Variants in NXPH1 observed in about 807,000 individuals in gnomAD.
The protein encoded by NXPH1 is neurexophilin-1.
Under a neutral mutation model 23.7 loss-of-function variants are expected in NXPH1, and 5 were observed. The ratio of observed to expected loss-of-function variants is 0.21; its 90% CI spans 0.11 to 0.44. The LOEUF (loss-of-function observed/expected upper bound fraction) is 0.44, where lower values mean the gene tolerates loss of function less well. Ranked by LOEUF, NXPH1 falls within the 20% of genes least tolerant of loss-of-function variation. NXPH1 has a pLI of 0.99. For missense variants in NXPH1, 324 were observed against 321.6 expected, an observed-to-expected ratio of 1.01 and a Z score of -0.06; for synonymous variants, 144 against 122.2, an observed-to-expected ratio of 1.18 and a Z score of -1.18.
At chr7:8,655,386 C>T (rs1366891066) in intron 2 of NXPH1, among the ~76,000 whole-genome samples, 1 of 54,144 alleles carries the variant, frequency 1.8e-5, no homozygotes, top group Non-Finnish European at 3.7e-5. Context: ...CTGTCTCTGT[C>T]TTTGTCTTTG....
intron 2 of NXPH1, among the ~76,000 whole-genome samples, chr7:8,446,758 C>T (rs1266265346): frequency 6.6e-6 from 1 of 151,882 alleles, no homozygotes; most frequent in Non-Finnish European, 1.5e-5. Flanking sequence ...TTCCTTTTTT[C>T]CTCACTGTAT....
intron 2 of NXPH1, among the ~76,000 whole-genome samples, chr7:8,563,987 A>G (rs1191165325): frequency 6.6e-6 from 1 of 151,840 alleles, no homozygotes; most frequent in East Asian, 1.9e-4. Context: ...TGGAATTTGA[A>G]TAGGGTAGAA....
At chr7:8,438,131 G>A (rs1816227998) in intron 2 of NXPH1, among the ~76,000 whole-genome samples, 2 of 152,202 alleles carry the variant, frequency 1.3e-5, no homozygotes, top group African/African-American at 4.8e-5. Flanking sequence ...AATTTAAAAG[G>A]GTGAATTGGG....
intron 2 of NXPH1, among the ~76,000 whole-genome samples, chr7:8,519,530 G>T (rs1164341761): frequency 6.6e-6 from 1 of 152,168 alleles, no homozygotes; most frequent in Non-Finnish European, 1.5e-5. Flanking sequence ...AAAGGACTAG[G>T]TTATACAAGG....
chr7:8,681,828 A>G (rs1208570376), intron 2 of NXPH1, among the ~76,000 whole-genome samples: 2 of 152,176 alleles, frequency 1.3e-5, no homozygotes, highest in African/African-American at 2.4e-5. Context: ...TACCACATCT[A>G]TATTTTTCCA....
chr7:8,743,467 G>A (rs933562618), intron 2 of NXPH1, among the ~76,000 whole-genome samples: 2 of 152,024 alleles, frequency 1.3e-5, no homozygotes, highest in Non-Finnish European at 2.9e-5. Flanking sequence ...ATTTTGTCAC[G>A]TACAGCCAGA....
intron 2 of NXPH1, among the ~76,000 whole-genome samples, chr7:8,693,287 C>T (rs149111175): frequency 6.6e-6 from 1 of 152,168 alleles, no homozygotes; most frequent in Non-Finnish European, 1.5e-5. Flanking sequence ...GAGTTTGAAT[C>T]CACATTCCAA....
intron 2 of NXPH1, among the ~76,000 whole-genome samples, chr7:8,681,793 T>C (rs1464631792): frequency 6.6e-6 from 1 of 152,202 alleles, no homozygotes; most frequent in East Asian, 1.9e-4. Flanking sequence ...TCTGAGATGA[T>C]TGGGAGACAT....
At chr7:8,593,871 G>A (rs939995129) in intron 2 of NXPH1, among the ~76,000 whole-genome samples, 1 of 151,660 alleles carries the variant, frequency 6.6e-6, no homozygotes, top group Non-Finnish European at 1.5e-5. Flanking sequence ...ACCTTGGTTT[G>A]GTAAAAATAT....
chr7:8,500,180 C>T (rs1023336185), intron 2 of NXPH1, among the ~76,000 whole-genome samples: 3 of 152,024 alleles, frequency 2.0e-5, no homozygotes, highest in Non-Finnish European at 4.4e-5. Context: ...AATGACAAGG[C>T]TTTTTGGTGT....
At chr7:8,437,832 T>C (rs1816222478) in intron 2 of NXPH1, among the ~76,000 whole-genome samples, 2 of 152,250 alleles carry the variant, frequency 1.3e-5, no homozygotes, top group Non-Finnish European at 2.9e-5. Flanking sequence ...ATTACCTGAA[T>C]GCCTTTTGGC....
chr7:8,604,219 T>C (rs1480670680), intron 2 of NXPH1, among the ~76,000 whole-genome samples: 3 of 152,182 alleles, frequency 2.0e-5, no homozygotes, highest in South Asian at 2.1e-4. Context: ...TAAGTTGTTA[T>C]AAAACATCAT....
intron 2 of NXPH1, among the ~76,000 whole-genome samples, chr7:8,602,023 A>C (rs111899777): frequency 0.014 from 2,196 of 152,316 alleles, 54 homozygotes; most frequent in African/African-American, 0.05. Context: ...TTATAGTAAT[A>C]ATAATTAGTA....
At chr7:8,525,145 G>T (rs570509309) in intron 2 of NXPH1, among the ~76,000 whole-genome samples, 1 of 152,284 alleles carries the variant, frequency 6.6e-6, no homozygotes, top group South Asian at 2.1e-4. Context: ...AGGGTGAGGT[G>T]GTCTCAGATG....
intron 2 of NXPH1, among the ~76,000 whole-genome samples, chr7:8,471,026 A>AT (rs1270143328): frequency 1.3e-5 from 2 of 152,024 alleles, no homozygotes; most frequent in African/African-American, 4.8e-5. Flanking sequence ...CTTGGGTTTC[A>AT]TTTTTTTGGG....
Position 8,737,582 on chromosome 7 carries a change from A to C in NXPH1, c.55-13426A>C, listed in dbSNP as rs188223933. On this transcript the variant is annotated intron_variant, in intron 2 of 2. Transcript: ENST00000405863. Reference sequence around the variant, plus strand: ...CCTTAACATTTTTTCCTTCATTTCAACCTTGGTGAATCTGACAATTATGTG... The same window carrying C: ...CCTTAACATTTTTTCCTTCATTTCACCCTTGGTGAATCTGACAATTATGTG... Among the ~76,000 whole-genome samples the C allele has an allele frequency of 2.2e-4, 33 of 152,068 alleles. 1 individual carries two copies. The East Asian group carries it at 6.4e-3, about 29-fold the overall frequency.
chr7:8,577,675 T>A (rs1818779322), intron 2 of NXPH1, among the ~76,000 whole-genome samples: 4 of 152,192 alleles, frequency 2.6e-5, no homozygotes, highest in South Asian at 4.1e-4. Context: ...CCAGTGCTCC[T>A]TACCGCCTGA....
intron 2 of NXPH1, among the ~76,000 whole-genome samples, chr7:8,724,735 TCCAG>T (rs567755329): frequency 6.6e-6 from 1 of 152,138 alleles, no homozygotes; most frequent in East Asian, 1.9e-4. Flanking sequence ...TTCTTTTAAC[TCCAG>T]GAGCACCACT....
chr7:8,498,094 A>G (rs1817369266), intron 2 of NXPH1, among the ~76,000 whole-genome samples: 1 of 152,136 alleles, frequency 6.6e-6, no homozygotes, highest in South Asian at 2.1e-4. Context: ...TATTGAATCA[A>G]ATGAGCTAAT....
Sources: gnomAD v4.1 joint callset for allele counts (sites outside exome capture counted in the v4.1 genomes callset) on GRCh38, gnomAD v4.1.1 for gene constraint, MANE v1.5 for transcripts, NCBI Gene and HGNC (gene_info 2026-07-23, HGNC 2026-07-21) for gene names.